Variants in EPS15 observed in about 807,000 individuals in gnomAD.
EPS15 encodes the protein epidermal growth factor receptor substrate 15.
EPS15 carries 72 observed loss-of-function variants against 113.8 expected under a neutral mutation model. That is an observed-to-expected ratio of 0.63 (90% CI 0.52 to 0.77). The LOEUF (loss-of-function observed/expected upper bound fraction) is 0.77, where lower values mean the gene tolerates loss of function less well. Ranked by LOEUF, EPS15 falls within the 30% of genes least tolerant of loss-of-function variation. EPS15 has a pLI of 0.00. For synonymous variants in EPS15, 344 were observed against 363.4 expected, an observed-to-expected ratio of 0.95 and a Z score of 0.61; for missense variants, 1,048 against 1,045.8, an observed-to-expected ratio of 1.00 and a Z score of -0.03.
chr1:51,488,411 C>T (rs1644163304), intron 1 of EPS15, among the ~76,000 whole-genome samples: 1 of 139,308 alleles, frequency 7.2e-6, no homozygotes, highest in South Asian at 2.2e-4. Context: ...CTATTTCTTA[C>T]TAGTCTGAAA....
intron 12 of EPS15, among the ~76,000 whole-genome samples, chr1:51,426,837 C>CTCTCTA (rs377211027): frequency 1.5e-3 from 211 of 143,624 alleles, no homozygotes; most frequent in Non-Finnish European, 2.3e-3. Context: ...CTCTCTCTCT[C>CTCTCTA]TATATATATA....
At chr1:51,404,691 A>G (rs996411021) in intron 16 of EPS15, among the ~76,000 whole-genome samples, 3 of 152,196 alleles carry the variant, frequency 2.0e-5, no homozygotes, top group Non-Finnish European at 4.4e-5. Flanking sequence ...AAATCCCCCA[A>G]TGCTTTAAGA....
chr1:51,453,113 A>G (rs1023395154), intron 8 of EPS15, among the ~76,000 whole-genome samples: 4 of 152,174 alleles, frequency 2.6e-5, no homozygotes, highest in African/African-American at 9.7e-5. Context: ...ACTAACATAC[A>G]CTTCCAACCA....
At chr1:51,426,837 C>CTCTCTCTCTCTATA (rs377211027) in intron 12 of EPS15, among the ~76,000 whole-genome samples, 15 of 143,648 alleles carry the variant, frequency 1.0e-4, no homozygotes, top group African/African-American at 3.4e-4. Context: ...CTCTCTCTCT[C>CTCTCTCTCTCTATA]TATATATATA....
chr1:51,477,199 G>A lies in EPS15; in HGVS notation c.75+4074C>T, dbSNP rs559178989. Among the ~76,000 whole-genome samples, 7 of 152,224 alleles carry A rather than the reference G, an allele frequency of 4.6e-5. No individual in the cohort carries two copies. In the South Asian group the frequency reaches 8.3e-4, roughly 18 times the overall value. ...TAGTCTTGGGAGGGTGTAGTGTCCA[G>A]GAATTTATCCATTTCTTCTAGATTT... On this transcript the variant is annotated intron_variant, in intron 2 of 24. Transcript: ENST00000371733.
chr1:51,424,072 CAT>C (rs1476353823), intron 12 of EPS15, among the ~76,000 whole-genome samples: 2 of 152,114 alleles, frequency 1.3e-5, no homozygotes, highest in African/African-American at 4.8e-5. Flanking sequence ...ACTTTTGATT[CAT>C]GTTTATCTAA....
intron 21 of EPS15, among the ~76,000 whole-genome samples, chr1:51,388,617 A>G (rs545039458): frequency 6.6e-5 from 10 of 152,324 alleles, no homozygotes; most frequent in African/African-American, 2.4e-4. Flanking sequence ...TAGACGCAAT[A>G]AAAACTGATA....
chr1:51,410,110 T>C (rs1262662968), intron 13 of EPS15, among the ~76,000 whole-genome samples: 2 of 150,390 alleles, frequency 1.3e-5, no homozygotes, highest in Non-Finnish European at 3.0e-5. Context: ...ATGCCTGTAA[T>C]CCCAGCTACT....
In EPS15 at chr1:51,519,228, C is replaced by A. The variant is rs147314878; in HGVS notation, c.4G>T (p.Ala2Ser). M[A>S]AAAQLSLTQL... ...GTCAGAGAGAGCTGGGCCGCCGCAG[C>A]CATGGTGTTTCCATCATGCAAGGGA... Residue 2 changes from alanine to serine, a missense_variant, in exon 1 of 25, where the codon GCT (alanine) becomes TCT (serine). Ala to Ser is a moderately conservative substitution (Grantham distance 99). Coordinates refer to ENST00000371733, the MANE Select transcript of EPS15 (RefSeq NM_001981.3). 613 of 1,391,648 alleles carry A rather than the reference C, an allele frequency of 4.4e-4. 2 individuals are homozygous for A. The African/African-American group carries it at 8.2e-3, about 19-fold the overall frequency. 86.2% of individuals were successfully genotyped at this position (1,391,648 alleles called of 1,614,324 possible). A position where few individuals can be genotyped will look rare whatever the true frequency, so the allele number is the denominator to read the frequency against.
At chr1:51,498,372 A>C (rs545409030) in intron 1 of EPS15, among the ~76,000 whole-genome samples, 1 of 152,216 alleles carries the variant, frequency 6.6e-6, no homozygotes, top group Non-Finnish European at 1.5e-5. Flanking sequence ...TTAACTTTAC[A>C]ACAGTACAAA....
At position 51,366,038 on chromosome 1, in the gene EPS15, A is replaced by C. The variant is rs779650654; in HGVS notation, c.2120-9T>G. The C allele has an allele frequency of 3.8e-5, 60 of 1,594,616 alleles. 1 individual carries two copies. In the South Asian group the frequency reaches 6.4e-4, roughly 17 times the overall value. On this transcript the variant is annotated splice_polypyrimidine_tract_variant and intron_variant, in intron 21 of 24. Coordinates refer to ENST00000371733, the MANE Select transcript of EPS15 (RefSeq NM_001981.3). ...AGCAAAGGGGTCTGTGGCTAAAATG[A>C]ATAAAGAAAATAAATGAAACAGGAC... is the stretch of plus-strand genomic sequence containing the variant.
At chr1:51,455,515 G>GGGAGGT (rs1328756171) in intron 8 of EPS15, among the ~76,000 whole-genome samples, 2 of 152,158 alleles carry the variant, frequency 1.3e-5, no homozygotes, top group Admixed American at 1.3e-4. Context: ...GATTGAACCT[G>GGGAGGT]GGAGGTGGAG....
At chr1:51,417,814 T>C (rs1473089164) in intron 13 of EPS15, among the ~76,000 whole-genome samples, 1 of 152,208 alleles carries the variant, frequency 6.6e-6, no homozygotes, top group South Asian at 2.1e-4. Context: ...AGAATATATA[T>C]GGCACAGAGT....
At chr1:51,439,040 C>T (rs1652377552) in intron 12 of EPS15, among the ~76,000 whole-genome samples, 2 of 152,044 alleles carry the variant, frequency 1.3e-5, no homozygotes, top group Admixed American at 6.6e-5. Context: ...AGAAGAGAGG[C>T]ACTCTTCACC....
intron 1 of EPS15, among the ~76,000 whole-genome samples, chr1:51,515,828 C>G (rs1644705757): frequency 6.6e-6 from 1 of 152,206 alleles, no homozygotes; most frequent in Admixed American, 6.5e-5. Flanking sequence ...GACCTTGGTT[C>G]AAATCGTAGA....
chr1:51,460,412 T>C (rs957582983), intron 8 of EPS15, among the ~76,000 whole-genome samples: 2 of 152,198 alleles, frequency 1.3e-5, no homozygotes, highest in African/African-American at 4.8e-5. Context: ...TCAAGTGTTA[T>C]TCATGTTTCC....
chr1:51,514,377 A>ATTT (rs776121274), intron 1 of EPS15, among the ~76,000 whole-genome samples: 3,295 of 151,938 alleles, frequency 0.022, 29 homozygotes, highest in Middle Eastern at 0.034. Flanking sequence ...TTTTTTTTTA[A>ATTT]AAACTTTTAT....
At position 51,354,691 on chromosome 1, in the gene EPS15, T is replaced by A. The variant is rs1646180421; in HGVS notation, c.*2009A>T. 7 of 182,036 alleles carry A rather than the reference T, an allele frequency of 3.8e-5. No individual in the cohort carries two copies. The allele number at this position is 182,036 out of a possible 1,614,324, so 11.3% of individuals were successfully genotyped here. A position where few individuals can be genotyped will look rare whatever the true frequency, so the allele number is the denominator to read the frequency against. On this transcript the variant is annotated 3_prime_UTR_variant, in exon 25 of 25. Coordinates refer to ENST00000371733, the MANE Select transcript of EPS15 (RefSeq NM_001981.3). Reference sequence around the variant, plus strand: ...TTCATCCTACACAAGCGAGCACATATACATATATATTTATATAATATATAC... The same window carrying A: ...TTCATCCTACACAAGCGAGCACATAAACATATATATTTATATAATATATAC...
At chr1:51,474,680 T>TTTTTA (rs1655481123) in intron 2 of EPS15, among the ~76,000 whole-genome samples, 1 of 151,638 alleles carries the variant, frequency 6.6e-6, no homozygotes, top group Non-Finnish European at 1.5e-5. Context: ...GTTTTCTTTT[T>TTTTTA]TTATTATTAT....
Sources: gnomAD v4.1 joint callset for allele counts (sites outside exome capture counted in the v4.1 genomes callset) on GRCh38, gnomAD v4.1.1 for gene constraint, MANE v1.5 for transcripts, NCBI Gene and HGNC (gene_info 2026-07-23, HGNC 2026-07-21) for gene names.